SPMAP2L: variants seen among roughly 807,000 people sequenced by gnomAD.
SPMAP2L encodes sperm microtubule associated protein 2 like, also known as sperm microtubule associated protein 2-like.
chr4:56,621,636 AAAT>A, the SPMAP2L span, among the ~76,000 whole-genome samples: 4 of 152,226 alleles, frequency 2.6e-5, no homozygotes, highest in Non-Finnish European at 4.4e-5. Context: ...TTAGAATTGA[AAAT>A]AATATGCACA....
chr4:56,548,943 C>T, the SPMAP2L span: 2 of 501,254 alleles, frequency 4.0e-6, no homozygotes, highest in Non-Finnish European at 3.2e-6. Flanking sequence ...CATTCCTAGG[C>T]TTTCCCTTTG....
the SPMAP2L span, chr4:56,593,649 C>T: frequency 6.2e-7 from 1 of 1,605,696 alleles, no homozygotes; most frequent in Non-Finnish European, 8.5e-7. Context: ...GGACCCCACG[C>T]AGCATTTTTT....
chr4:56,572,321 T>C, the SPMAP2L span, among the ~76,000 whole-genome samples: 1 of 152,142 alleles, frequency 6.6e-6, no homozygotes, highest in Non-Finnish European at 1.5e-5. Flanking sequence ...CACAAAGCAA[T>C]AGGAATTTTT....
chr4:56,554,385 T>A, the SPMAP2L span, among the ~76,000 whole-genome samples: 4 of 152,214 alleles, frequency 2.6e-5, no homozygotes, highest in Non-Finnish European at 4.4e-5. Flanking sequence ...TTCTAATAGG[T>A]GTGTAGTGGT....
the SPMAP2L span, among the ~76,000 whole-genome samples, chr4:56,614,064 A>C: frequency 6.6e-6 from 1 of 152,048 alleles, no homozygotes; most frequent in Non-Finnish European, 1.5e-5. Context: ...AGTCAAGGGG[A>C]GGGCCATGTA....
the SPMAP2L span, among the ~76,000 whole-genome samples, chr4:56,616,244 T>C: frequency 2.6e-5 from 4 of 152,210 alleles, no homozygotes; most frequent in African/African-American, 9.7e-5. Context: ...CTTTATTTAG[T>C]CTTCCTTCTG....
At chr4:56,601,240 C>G in the SPMAP2L span, 22 of 925,768 alleles carry the variant, frequency 2.4e-5, no homozygotes, top group Admixed American at 5.3e-4. Flanking sequence ...TCTTACTTAA[C>G]GAATTACATT....
At chr4:56,557,894 T>G in the SPMAP2L span, 1 of 152,196 alleles carries the variant, frequency 6.6e-6, no homozygotes, top group African/African-American at 2.4e-5. Context: ...AGTGGTACAT[T>G]ATCTGTTTAT....
At chr4:56,589,351 T>G in the SPMAP2L span, among the ~76,000 whole-genome samples, 12 of 152,212 alleles carry the variant, frequency 7.9e-5, no homozygotes, top group African/African-American at 2.7e-4. Context: ...TAGTATAGTT[T>G]GAAATCAGGT....
At chr4:56,566,101 G>T in the SPMAP2L span, among the ~76,000 whole-genome samples, 108 of 152,220 alleles carry the variant, frequency 7.1e-4, 4 homozygotes, top group East Asian at 0.019. Flanking sequence ...TTACTAATAT[G>T]TTGAGGTTTA....
the SPMAP2L span, among the ~76,000 whole-genome samples, chr4:56,556,970 C>T: frequency 7.9e-5 from 12 of 151,768 alleles, no homozygotes; most frequent in East Asian, 3.9e-4. Context: ...AGAGAGAGGC[C>T]GGGTGTGGTG....
chr4:56,554,259 C>G, the SPMAP2L span, among the ~76,000 whole-genome samples: 1 of 152,272 alleles, frequency 6.6e-6, no homozygotes, highest in Non-Finnish European at 1.5e-5. Flanking sequence ...TAAGAAACTA[C>G]TAAGCTCTTC....
the SPMAP2L span, among the ~76,000 whole-genome samples, chr4:56,608,380 GT>G: frequency 1.3e-5 from 2 of 152,294 alleles, no homozygotes; most frequent in East Asian, 3.9e-4. Flanking sequence ...CCAAGAGAAT[GT>G]TTGGTAAGGC....
the SPMAP2L span, chr4:56,595,161 A>T: frequency 3.1e-6 from 5 of 1,611,586 alleles, no homozygotes; most frequent in African/African-American, 5.3e-5. Context: ...CTGCGATATT[A>T]AATGCCAACT....
the SPMAP2L span, chr4:56,559,517 A>G: frequency 6.1e-5 from 92 of 1,508,298 alleles, no homozygotes; most frequent in Non-Finnish European, 7.4e-5. Context: ...TATGTACCTA[A>G]CAGGTTAGTG....
At chr4:56,595,288 G>T in the SPMAP2L span, 2 of 1,612,710 alleles carry the variant, frequency 1.2e-6, no homozygotes, top group East Asian at 4.5e-5. Context: ...AAATATTGAG[G>T]CAGTGGATGT....
the SPMAP2L span, among the ~76,000 whole-genome samples, chr4:56,572,218 A>G: frequency 1.8e-4 from 28 of 152,374 alleles, no homozygotes; most frequent in Non-Finnish European, 3.7e-4. Context: ...TGTACTGTAC[A>G]TAATTGTATG....
At chr4:56,591,532 G>A in the SPMAP2L span, among the ~76,000 whole-genome samples, 1 of 151,790 alleles carries the variant, frequency 6.6e-6, no homozygotes, top group Admixed American at 6.6e-5. Flanking sequence ...TGTAAAATTT[G>A]ACTAATACAC....
At chr4:56,571,540 C>T in the SPMAP2L span, among the ~76,000 whole-genome samples, 23 of 152,068 alleles carry the variant, frequency 1.5e-4, no homozygotes, top group African/African-American at 5.6e-4. Context: ...TGGTCTCAAA[C>T]TCCTGGGCTG....
Sources: gnomAD v4.1 joint callset for allele counts (sites outside exome capture counted in the v4.1 genomes callset) on GRCh38, gnomAD v4.1.1 for gene constraint, MANE v1.5 for transcripts, NCBI Gene and HGNC (gene_info 2026-07-23, HGNC 2026-07-21) for gene names.